The following XIRP2 variants were observed in gnomAD, a reference collection of about 807,000 sequenced individuals.
XIRP2 encodes xin actin binding repeat containing 2, also known as xin actin-binding repeat-containing protein 2.
A neutral mutation model predicts 277.0 loss-of-function variants in XIRP2; 236 were observed. That is an observed-to-expected ratio of 0.85 (90% CI 0.77 to 0.95). XIRP2 has a LOEUF of 0.95. XIRP2 is among the 40% of genes least tolerant of loss of function. The pLI, the probability that XIRP2 is intolerant of heterozygous loss-of-function variation, is 0.00. For synonymous variants in XIRP2, 1,490 were observed against 1,416.5 expected, an observed-to-expected ratio of 1.05 and a Z score of -1.17; for missense variants, 4,640 against 4,157.5, an observed-to-expected ratio of 1.12 and a Z score of -3.19.
intron 2 of XIRP2, among the ~76,000 whole-genome samples, chr2:167,011,079 A>G (rs1687664685): frequency 1.3e-5 from 2 of 151,368 alleles, no homozygotes; most frequent in East Asian, 1.9e-4. Flanking sequence ...CTCCTGCCTA[A>G]TTGCCCTGGC....
intron 2 of XIRP2, among the ~76,000 whole-genome samples, chr2:167,070,514 T>A (rs1689410441): frequency 6.6e-6 from 1 of 152,186 alleles, no homozygotes; most frequent in Non-Finnish European, 1.5e-5. Flanking sequence ...TTGAAATCTT[T>A]ATTTTTCATG....
At chr2:167,242,524 C>T in intron 8 of XIRP2, 45 bp from the exon 9 acceptor site, 1 of 1,559,488 alleles carries the variant, frequency 6.4e-7, no homozygotes, top group Non-Finnish European at 8.7e-7. Flanking sequence ...GAAGCCTCTG[C>T]CACTACACTC....
intron 2 of XIRP2, among the ~76,000 whole-genome samples, chr2:166,986,713 A>T (rs1687015912): frequency 6.6e-6 from 1 of 152,230 alleles, no homozygotes; most frequent in Non-Finnish European, 1.5e-5. Context: ...TGATCCTGTT[A>T]AATGTTTATC....
In XIRP2 at chr2:166,999,430, G is replaced by A. The variant is rs574928777; in HGVS notation, c.408+95540G>A. On this transcript the variant is annotated intron_variant, in intron 2 of 10. Transcript: ENST00000409195. ...AAAGGAAAAGGAAAAATAAAAAAGA[G>A]CAGTAGCCCAGGTACTGCTCTTTCA... Among the ~76,000 whole-genome samples the A allele has an allele frequency of 2.0e-5, 3 of 152,058 alleles. No homozygotes were observed. The East Asian group carries it at 5.8e-4, about 30-fold the overall frequency.
At chr2:167,229,005 C>T (rs1341346622) in intron 5 of XIRP2, among the ~76,000 whole-genome samples, 1 of 152,090 alleles carries the variant, frequency 6.6e-6, no homozygotes, top group Non-Finnish European at 1.5e-5. Context: ...TGCTGCTGTT[C>T]TCATCACAAG....
At chr2:167,017,218 A>C (rs1453887268) in intron 2 of XIRP2, among the ~76,000 whole-genome samples, 1 of 151,992 alleles carries the variant, frequency 6.6e-6, no homozygotes, top group Non-Finnish European at 1.5e-5. Flanking sequence ...TCTCATGACT[A>C]CAACTGGTAC....
chr2:167,170,894 C>CTTTTTTTTT (rs773187641), intron 3 of XIRP2, among the ~76,000 whole-genome samples: 39 of 92,688 alleles, frequency 4.2e-4, no homozygotes, highest in Admixed American at 1.2e-3. Flanking sequence ...TGCCTTTCTT[C>CTTTTTTTTT]TTTTTTTTTT....
At chr2:167,156,381 T>C (rs898454686) in intron 3 of XIRP2, among the ~76,000 whole-genome samples, 8 of 152,148 alleles carry the variant, frequency 5.3e-5, no homozygotes, top group Non-Finnish European at 8.8e-5. Flanking sequence ...AAATAACTTA[T>C]CACACTGCAT....
At chr2:167,208,366 G>T (rs1164542390) in intron 3 of XIRP2, among the ~76,000 whole-genome samples, 1 of 152,168 alleles carries the variant, frequency 6.6e-6, no homozygotes, top group Non-Finnish European at 1.5e-5. Context: ...GAGTGCGGTG[G>T]CGCGATCTTG....
chr2:167,005,652 A>G (rs1016273094), intron 2 of XIRP2, among the ~76,000 whole-genome samples: 1 of 151,862 alleles, frequency 6.6e-6, no homozygotes, highest in East Asian at 1.9e-4. Context: ...AGAAGAAGTT[A>G]TGTAACTGTT....
chr2:167,017,163 T>C (rs1044547946), intron 2 of XIRP2, among the ~76,000 whole-genome samples: 9 of 151,914 alleles, frequency 5.9e-5, no homozygotes, highest in African/African-American at 1.9e-4. Flanking sequence ...ATTCTGGAAG[T>C]AGAAGGTGAG....
intron 2 of XIRP2, among the ~76,000 whole-genome samples, chr2:166,942,887 A>G (rs937094545): frequency 6.6e-6 from 1 of 152,194 alleles, no homozygotes; most frequent in African/African-American, 2.4e-5. Context: ...CAACATCAAA[A>G]TATTATAAAT....
At chr2:166,903,998 T>C (rs1684455191) in intron 2 of XIRP2, 108 bp downstream of exon 2, 15 of 1,314,074 alleles carry the variant, frequency 1.1e-5, no homozygotes, top group Middle Eastern at 2.4e-4. Flanking sequence ...TCTAGACAGA[T>C]GTCCTGAAGC....
intron 2 of XIRP2, among the ~76,000 whole-genome samples, chr2:166,987,097 T>C (rs6432963): frequency 0.019 from 2,911 of 152,276 alleles, 94 homozygotes; most frequent in African/African-American, 0.066. Flanking sequence ...TTTAAATCCA[T>C]TGCTTTCCTC....
chr2:166,905,786 G>C (rs982401356), intron 2 of XIRP2, among the ~76,000 whole-genome samples: 2 of 151,862 alleles, frequency 1.3e-5, no homozygotes, highest in African/African-American at 4.8e-5. Context: ...AAAGAACAAA[G>C]AGAGCTCAAT....
In XIRP2 at chr2:166,997,506, A is replaced by C. The variant is rs190285224; in HGVS notation, c.408+93616A>C. On this transcript the variant is annotated intron_variant, in intron 2 of 10. Coordinates refer to ENST00000409195, the MANE Select transcript of XIRP2 (RefSeq NM_152381.6). Reference sequence around the variant, plus strand: ...CATTTAATATTTTTTTCCAGTCTTTATCTCCTCAATGAATGTAAATTACAC... The same window carrying C: ...CATTTAATATTTTTTTCCAGTCTTTCTCTCCTCAATGAATGTAAATTACAC... Among the ~76,000 whole-genome samples the C allele has an allele frequency of 1.6e-4, 24 of 152,298 alleles. No homozygotes were observed. The East Asian group carries it at 4.4e-3, about 28-fold the overall frequency.
intron 3 of XIRP2, among the ~76,000 whole-genome samples, chr2:167,141,303 A>T (rs1001309161): frequency 6.6e-6 from 1 of 152,324 alleles, no homozygotes; most frequent in Non-Finnish European, 1.5e-5. Flanking sequence ...TCATCAAACA[A>T]ATAAGTATTG....
At chr2:166,897,103 ACATTAAG>A (rs1684265390) in intron 1 of XIRP2, among the ~76,000 whole-genome samples, 1 of 152,214 alleles carries the variant, frequency 6.6e-6, no homozygotes, top group Admixed American at 6.5e-5. Flanking sequence ...ATTGCTCAGA[ACATTAAG>A]CAACACACTA....
At position 167,245,206 on chromosome 2, in the gene XIRP2, G is replaced by A. The variant is rs762720024; in HGVS notation, c.3814G>A (p.Val1272Ile). The A allele has an allele frequency of 1.2e-6, 2 of 1,613,764 alleles. No homozygotes were observed. The highest frequency in any genetic ancestry group is 1.7e-5 in the Admixed American group (1 of 59,990). ...KTVTDIQGGDVRKGCFIFETF... is the reference protein window; with the variant it reads ...KTVTDIQGGDIRKGCFIFETF... ...GGTGACAGACATACAAGGTGGGGAT[G>A]TAAGAAAGGGGTGCTTTATTTTTGA... Residue 1272 changes from valine to isoleucine, a missense_variant, in exon 9 of 11, where the codon GTA becomes ATA. By Grantham distance (29) the Val-to-Ile change is conservative. Coordinates refer to ENST00000409195, the MANE Select transcript of XIRP2 (RefSeq NM_152381.6).
Sources: allele counts gnomAD v4.1 joint callset (sites outside exome capture counted in the v4.1 genomes callset), GRCh38; gene constraint gnomAD v4.1.1; transcripts MANE v1.5; gene names NCBI Gene and HGNC (gene_info 2026-07-23, HGNC 2026-07-21).